SLIT2: variants seen among roughly 807,000 people sequenced by gnomAD.
The protein encoded by SLIT2 is slit guidance ligand 2.
In SLIT2, 41 loss-of-function variants were observed where a neutral mutation model predicts 185.7. That is an observed-to-expected ratio of 0.22 (90% CI 0.17 to 0.29). The LOEUF (loss-of-function observed/expected upper bound fraction) is 0.29, where lower values mean the gene tolerates loss of function less well. Among genes scored for constraint, SLIT2 ranks in the 10% least tolerant of loss-of-function variants. The pLI is 1.00. For synonymous variants in SLIT2, 693 were observed against 680.2 expected (o/e 1.02, Z -0.29); for missense variants, 1,571 against 1,909.0 (o/e 0.82, Z 3.30).
chr4:20,569,034 C>T (rs775636020), intron 29 of SLIT2, 30 bp downstream of exon 29: 6 of 1,592,716 alleles, frequency 3.8e-6, no homozygotes, highest in Non-Finnish European at 5.2e-6. Context: ...TTTTGCCTTC[C>T]ATCAGTATAT....
At chr4:20,285,744 C>T (rs1715202686) in intron 4 of SLIT2, among the ~76,000 whole-genome samples, 1 of 152,146 alleles carries the variant, frequency 6.6e-6, no homozygotes, top group African/African-American at 2.4e-5. Context: ...GATGGTGTTT[C>T]ACCATATTGC....
chr4:20,533,011 A>T (rs964206732), intron 17 of SLIT2, among the ~76,000 whole-genome samples: 1 of 152,212 alleles, frequency 6.6e-6, no homozygotes, highest in Non-Finnish European at 1.5e-5. Context: ...GTTGACCTCA[A>T]CTAGATACTC....
At chr4:20,364,178 G>T (rs1722941868) in intron 4 of SLIT2, 1 of 660,938 alleles carries the variant, frequency 1.5e-6, no homozygotes, top group African/African-American at 2.0e-5. Context: ...TTTACACTTA[G>T]AGAAATACTG....
At chr4:20,603,144 C>CA (rs1372357891) in intron 33 of SLIT2, among the ~76,000 whole-genome samples, 1 of 152,144 alleles carries the variant, frequency 6.6e-6, no homozygotes, top group Non-Finnish European at 1.5e-5. Flanking sequence ...GCCTCACAAT[C>CA]ATAGCAGAAG....
chr4:20,478,459 T>A (rs763634160), intron 5 of SLIT2, among the ~76,000 whole-genome samples: 10 of 152,204 alleles, frequency 6.6e-5, no homozygotes, highest in Non-Finnish European at 1.5e-4. Flanking sequence ...CAACTTCTGC[T>A]CCTGTAAGGA....
chr4:20,601,270 G>A (rs1453549670), intron 33 of SLIT2, among the ~76,000 whole-genome samples: 4 of 152,194 alleles, frequency 2.6e-5, no homozygotes, highest in Non-Finnish European at 5.9e-5. Context: ...TGTGTGTCTT[G>A]GACAGATTGC....
At chr4:20,567,150 T>G (rs1725155722) in intron 26 of SLIT2, 112 bp from the exon 27 acceptor site, 1 of 957,236 alleles carries the variant, frequency 1.0e-6, no homozygotes, top group Non-Finnish European at 1.6e-6. Context: ...CACATATAGA[T>G]ATGTGACCAA....
intron 4 of SLIT2, among the ~76,000 whole-genome samples, chr4:20,373,485 T>C (rs767989720): frequency 9.0e-4 from 137 of 152,094 alleles, no homozygotes; most frequent in Non-Finnish European, 1.7e-3. Flanking sequence ...ATATTCTTGG[T>C]GTAAATCCTA....
intron 4 of SLIT2, among the ~76,000 whole-genome samples, chr4:20,299,382 C>G (rs1272579866): frequency 6.6e-6 from 1 of 152,128 alleles, no homozygotes; most frequent in Non-Finnish European, 1.5e-5. Flanking sequence ...GAAGAAATAG[C>G]TATTATACTT....
At chr4:20,283,131 C>A (rs2109060995) in intron 4 of SLIT2, among the ~76,000 whole-genome samples, 1 of 152,220 alleles carries the variant, frequency 6.6e-6, no homozygotes, top group South Asian at 2.1e-4. Flanking sequence ...CACACACACA[C>A]ACACACACAC....
At chr4:20,545,340 G>A (rs1221611027) in intron 21 of SLIT2, among the ~76,000 whole-genome samples, 2 of 151,840 alleles carry the variant, frequency 1.3e-5, no homozygotes, top group African/African-American at 4.8e-5. Flanking sequence ...TATAACTTCA[G>A]GCATTCGATT....
chr4:20,542,046 C>A (rs1466845585), intron 20 of SLIT2, among the ~76,000 whole-genome samples: 1 of 152,068 alleles, frequency 6.6e-6, no homozygotes, highest in Non-Finnish European at 1.5e-5. Flanking sequence ...ATAGCCCTAT[C>A]AGGTACATAG....
intron 4 of SLIT2, among the ~76,000 whole-genome samples, chr4:20,296,246 G>T (rs1366290955): frequency 1.3e-5 from 2 of 151,932 alleles, no homozygotes; most frequent in Non-Finnish European, 2.9e-5. Context: ...TTCAAATGTT[G>T]AAAAATGAGG....
chr4:20,465,221 A>G (rs765047097), intron 4 of SLIT2, among the ~76,000 whole-genome samples: 1 of 152,198 alleles, frequency 6.6e-6, no homozygotes, highest in Non-Finnish European at 1.5e-5. Flanking sequence ...TGTTTTCCAC[A>G]TATGTATTTT....
rs1722147972 is a variant in SLIT2 at position 20,252,838 on chromosome 4, A to C, written c.-978A>C. Among the ~76,000 whole-genome samples, 1 of 148,380 alleles carries C rather than the reference A, an allele frequency of 6.7e-6. No homozygotes were observed. The highest frequency in any genetic ancestry group is 2.1e-4 in the South Asian group (1 of 4,666). ...CTCCAACCTTGGCCTTTGCCTTTCC[A>C]CTCCTTCCGGTCTGCCTGGTTTTTA... On this transcript the variant is annotated 5_prime_UTR_variant, in exon 1 of 37. Coordinates refer to ENST00000504154, the MANE Select transcript of SLIT2 (RefSeq NM_004787.4).
At chr4:20,400,082 G>T (rs1726222788) in intron 4 of SLIT2, among the ~76,000 whole-genome samples, 1 of 151,678 alleles carries the variant, frequency 6.6e-6, no homozygotes, top group South Asian at 2.1e-4. Context: ...TTTTGTTATT[G>T]TTCTCCTACT....
intron 4 of SLIT2, among the ~76,000 whole-genome samples, chr4:20,393,950 C>T (rs142263513): frequency 3.4e-4 from 52 of 152,136 alleles, no homozygotes; most frequent in African/African-American, 1.2e-3. Context: ...GAATCAATCA[C>T]GTCCTGTTGT....
chr4:20,514,830 A>C (rs1310864852), intron 11 of SLIT2, among the ~76,000 whole-genome samples: 3 of 151,774 alleles, frequency 2.0e-5, no homozygotes, highest in Non-Finnish European at 4.4e-5. Context: ...TTATACTAAT[A>C]TATTGTTACA....
chr4:20,449,110 A>G (rs1037059579), intron 4 of SLIT2, among the ~76,000 whole-genome samples: 3 of 152,128 alleles, frequency 2.0e-5, no homozygotes. Flanking sequence ...AAATAATTAT[A>G]CTACTACCAA....
Sources: allele counts gnomAD v4.1 joint callset (sites outside exome capture counted in the v4.1 genomes callset), GRCh38; gene constraint gnomAD v4.1.1; transcripts MANE v1.5; gene names NCBI Gene and HGNC (gene_info 2026-07-23, HGNC 2026-07-21).